Variants in GRID2 observed in about 807,000 individuals in gnomAD.
GRID2 encodes the protein glutamate receptor ionotropic, delta-2.
A neutral mutation model predicts 114.8 loss-of-function variants in GRID2; 33 were observed. That is an observed-to-expected ratio of 0.29 (90% CI 0.22 to 0.38). The LOEUF (loss-of-function observed/expected upper bound fraction) is 0.38, where lower values mean the gene tolerates loss of function less well. GRID2 is among the 10% of genes least tolerant of loss of function. The pLI, the probability that GRID2 is intolerant of heterozygous loss-of-function variation, is 1.00. For synonymous variants in GRID2, 505 were observed against 449.9 expected (o/e 1.12, Z -1.55); for missense variants, 1,184 against 1,257.7 (o/e 0.94, Z 0.89).
chr4:93,511,139 G>A (rs540442104), intron 12 of GRID2, among the ~76,000 whole-genome samples: 1 of 152,042 alleles, frequency 6.6e-6, no homozygotes, highest in Non-Finnish European at 1.5e-5. Context: ...GTTTCACCAT[G>A]TTGGCCAGGC....
Position 93,195,907 on chromosome 4 carries a change from G to A in GRID2, c.736-11497G>A, listed in dbSNP as rs151070752. On this transcript the variant is annotated intron_variant, in intron 4 of 15. Transcript: ENST00000282020. ...TCACTAAAATATAGCAGATGACTTC[G>A]AATGTTCTTGCTTTATGTGATCACA... Among the ~76,000 whole-genome samples the A allele has an allele frequency of 9.9e-4, 151 of 152,220 alleles. 1 individual carries two copies. The highest frequency in any genetic ancestry group is 3.3e-3 in the African/African-American group (139 of 41,550).
intron 2 of GRID2, among the ~76,000 whole-genome samples, chr4:93,033,084 T>C (rs1211197121): frequency 1.3e-5 from 2 of 152,210 alleles, no homozygotes; most frequent in African/African-American, 2.4e-5. Context: ...CCCAAGTATA[T>C]ATACTCAATA....
chr4:92,938,795 A>G (rs1750869259), intron 2 of GRID2, among the ~76,000 whole-genome samples: 1 of 137,560 alleles, frequency 7.3e-6, no homozygotes, highest in Non-Finnish European at 1.5e-5. Context: ...ATTCCCACCT[A>G]TGAGTGAGAC....
chr4:92,308,644 T>C (rs537147554), intron 1 of GRID2, among the ~76,000 whole-genome samples: 1 of 152,214 alleles, frequency 6.6e-6, no homozygotes, highest in African/African-American at 2.4e-5. Flanking sequence ...AGATTGTAAA[T>C]GTAAAATACC....
intron 13 of GRID2, among the ~76,000 whole-genome samples, chr4:93,572,261 A>T (rs1735994659): frequency 6.6e-6 from 1 of 152,140 alleles, no homozygotes; most frequent in South Asian, 2.1e-4. Context: ...CTTTCAAAGA[A>T]CCATAATCAT....
At chr4:93,174,404 T>G (rs775011004) in intron 4 of GRID2, among the ~76,000 whole-genome samples, 1 of 152,174 alleles carries the variant, frequency 6.6e-6, no homozygotes, top group Non-Finnish European at 1.5e-5. Flanking sequence ...TTTCACTCAG[T>G]GGAATTCTCT....
At chr4:93,667,840 G>A (rs550291680) in intron 14 of GRID2, among the ~76,000 whole-genome samples, 2 of 152,148 alleles carry the variant, frequency 1.3e-5, no homozygotes, top group South Asian at 4.1e-4. Flanking sequence ...AATTCGCCAT[G>A]TGAAACAAGA....
At chr4:92,917,329 T>G (rs999569698) in intron 2 of GRID2, among the ~76,000 whole-genome samples, 6 of 152,278 alleles carry the variant, frequency 3.9e-5, no homozygotes, top group African/African-American at 1.2e-4. Flanking sequence ...ACTCTGATGG[T>G]AGTTTCTTTT....
At chr4:93,238,046 C>T (rs990498578) in intron 7 of GRID2, among the ~76,000 whole-genome samples, 1 of 151,712 alleles carries the variant, frequency 6.6e-6, no homozygotes, top group Non-Finnish European at 1.5e-5. Flanking sequence ...CCATTCAAGT[C>T]ACAAGGTATG....
intron 8 of GRID2, among the ~76,000 whole-genome samples, chr4:93,394,309 A>G (rs1220656607): frequency 4.6e-5 from 7 of 152,026 alleles, no homozygotes; most frequent in Non-Finnish European, 7.4e-5. Context: ...ATGTGCTTTT[A>G]CAGTTGAAAC....
At chr4:93,109,065 G>A (rs916562954) in intron 3 of GRID2, among the ~76,000 whole-genome samples, 5 of 152,158 alleles carry the variant, frequency 3.3e-5, no homozygotes, top group African/African-American at 1.2e-4. Flanking sequence ...TCTTGTTATT[G>A]TACCTCTACC....
intron 4 of GRID2, among the ~76,000 whole-genome samples, chr4:93,175,735 C>A (rs902821011): frequency 1.1e-4 from 16 of 152,042 alleles, no homozygotes; most frequent in Non-Finnish European, 2.9e-5. Flanking sequence ...TGTCAGAAAT[C>A]TTTTTTAATT....
chr4:92,430,155 G>T (rs1010806106), intron 1 of GRID2, among the ~76,000 whole-genome samples: 1 of 151,924 alleles, frequency 6.6e-6, no homozygotes, highest in Non-Finnish European at 1.5e-5. Flanking sequence ...GTGCTTGTGG[G>T]GTATTACTCA....
chr4:93,112,121 A>G (rs2149353016), intron 4 of GRID2: 1 of 152,290 alleles, frequency 6.6e-6, no homozygotes, highest in African/African-American at 2.4e-5. Flanking sequence ...ACAAATCTGG[A>G]AGATGGGAGT....
chr4:93,250,925 C>A (rs190194931), intron 8 of GRID2, among the ~76,000 whole-genome samples: 2 of 151,526 alleles, frequency 1.3e-5, no homozygotes, highest in South Asian at 2.1e-4. Flanking sequence ...TTGTTATAGT[C>A]CTGGTTTTTG....
intron 2 of GRID2, among the ~76,000 whole-genome samples, chr4:93,013,146 T>C (rs865957089): frequency 1.3e-5 from 2 of 152,074 alleles, no homozygotes; most frequent in Non-Finnish European, 1.5e-5. Flanking sequence ...TAATGTCTGC[T>C]TTCCTTTTAA....
intron 2 of GRID2, among the ~76,000 whole-genome samples, chr4:93,042,787 A>G (rs898926490): frequency 2.7e-5 from 4 of 150,770 alleles, no homozygotes; most frequent in Non-Finnish European, 4.4e-5. Flanking sequence ...GCTCATTAAG[A>G]CCTATGTGAA....
At chr4:93,656,702 C>T (rs1263985413) in intron 14 of GRID2, among the ~76,000 whole-genome samples, 1 of 141,200 alleles carries the variant, frequency 7.1e-6, no homozygotes, top group Admixed American at 7.1e-5. Flanking sequence ...TGGTGGCGGG[C>T]ACCTGTAGTC....
At chr4:93,312,878 A>G (rs1361491769) in intron 8 of GRID2, among the ~76,000 whole-genome samples, 2 of 152,200 alleles carry the variant, frequency 1.3e-5, no homozygotes, top group East Asian at 1.9e-4. Flanking sequence ...ATAGGGAGGC[A>G]TGGAAGTTTC....
Sources: gnomAD v4.1 joint callset for allele counts (sites outside exome capture counted in the v4.1 genomes callset) on GRCh38, gnomAD v4.1.1 for gene constraint, MANE v1.5 for transcripts, NCBI Gene and HGNC (gene_info 2026-07-23, HGNC 2026-07-21) for gene names.